The following EFCAB13 variants were observed in gnomAD, a reference collection of about 807,000 sequenced individuals.
EFCAB13 encodes EF-hand calcium-binding domain-containing protein 13.
In EFCAB13, 91 loss-of-function variants were observed where a neutral mutation model predicts 110.2. The observed-to-expected ratio is 0.83, with a 90% CI of 0.70 to 0.98. The LOEUF (loss-of-function observed/expected upper bound fraction) is 0.98. Among genes scored for constraint, EFCAB13 ranks in the 50% least tolerant of loss-of-function variants. The pLI is 0.00. For missense variants in EFCAB13, 968 were observed against 1,119.4 expected (o/e 0.86, Z 1.93); for synonymous variants, 323 against 369.9 (o/e 0.87, Z 1.45).
intron 16 of EFCAB13, 88 bp from the exon 17 acceptor site, chr17:47,395,746 C>A (rs2065733336): frequency 8.5e-7 from 1 of 1,180,020 alleles, no homozygotes; most frequent in Non-Finnish European, 1.1e-6. Flanking sequence ...CCATAAAAAC[C>A]TTAATTTTTG....
At chr17:47,389,165 T>C (rs1339980353) in intron 14 of EFCAB13, among the ~76,000 whole-genome samples, 1 of 152,186 alleles carries the variant, frequency 6.6e-6, no homozygotes. Flanking sequence ...CCCAAGTAGC[T>C]GGGATCACAG....
chr17:47,437,159 G>A (rs1203501441), intron 24 of EFCAB13, among the ~76,000 whole-genome samples: 1 of 151,950 alleles, frequency 6.6e-6, no homozygotes, highest in East Asian at 1.9e-4. Context: ...TAAATTTATT[G>A]AGGCTCGCTT....
intron 21 of EFCAB13, among the ~76,000 whole-genome samples, chr17:47,411,162 C>CAT (rs553607822): frequency 5.1e-4 from 77 of 152,260 alleles, no homozygotes; most frequent in Middle Eastern, 6.8e-3. Flanking sequence ...GTTGTTAACT[C>CAT]ATAATCATGA....
intron 23 of EFCAB13, among the ~76,000 whole-genome samples, chr17:47,424,874 CTTTTTTTTTT>C (rs548271723): frequency 1.1e-4 from 4 of 36,902 alleles, no homozygotes; most frequent in African/African-American, 2.5e-4. Context: ...GGTTGACAAT[CTTTTTTTTTT>C]TTTTTTTTTT....
intron 2 of EFCAB13, 129 bp from the exon 3 acceptor site, chr17:47,326,097 G>T (rs982000000): frequency 6.6e-6 from 1 of 151,550 alleles, no homozygotes; most frequent in African/African-American, 2.4e-5. Context: ...AAAGGGATAC[G>T]ACTCCCTCCA....
chr17:47,438,444 G>A (rs1007325614), intron 24 of EFCAB13, among the ~76,000 whole-genome samples: 4 of 150,626 alleles, frequency 2.7e-5, no homozygotes, highest in Admixed American at 1.3e-4. Context: ...TCTTAGATTT[G>A]GTTGTTTAAC....
chr17:47,352,763 C>T (rs957358678), intron 9 of EFCAB13, among the ~76,000 whole-genome samples: 1 of 152,102 alleles, frequency 6.6e-6, no homozygotes, highest in Non-Finnish European at 1.5e-5. Context: ...TTTATTTCAT[C>T]ACTGTTTTGT....
At position 47,335,398 on chromosome 17, in the gene EFCAB13, T is replaced by C. The variant is rs184619365; in HGVS notation, c.191+42T>C. 1,307 of 1,523,586 alleles carry C rather than the reference T, an allele frequency of 8.6e-4. 12 individuals carry two copies. The highest frequency in any genetic ancestry group is 1.0e-3 in the Middle Eastern group (5 of 4,812). 94.4% of individuals were successfully genotyped at this position (1,523,586 alleles called of 1,614,324 possible). A position where few individuals can be genotyped will look rare whatever the true frequency, so the allele number is the denominator to read the frequency against. The stretch of plus-strand genomic sequence containing the variant: ...GAACTTACTTTATTGAATTATACTT[T>C]TGCAAGTTAAGAATGCCAAAATGTA... On this transcript the variant is annotated intron_variant, in intron 5 of 24. Transcript: ENST00000331493.
intron 2 of EFCAB13, among the ~76,000 whole-genome samples, chr17:47,325,921 AAAATATATATATATATATATATAT>A (rs1421703303): frequency 6.4e-5 from 4 of 62,454 alleles, no homozygotes; most frequent in African/African-American, 3.1e-4. Flanking sequence ...ATATATAAAC[AAAATATATATATATATATATATAT>A]ATATATATAT....
chr17:47,379,185 A>G lies in EFCAB13; in HGVS notation c.1514A>G (p.Asn505Ser), dbSNP rs2065632567. 6.2e-7 allele frequency: 1 copy of G among 1,612,576 alleles called. No individual in the cohort carries two copies. Among genetic ancestry groups the G allele is most frequent in the Admixed American group, 1.7e-5 (1 of 59,980 alleles). The change falls in exon 14 of 25, where the codon AAT (asparagine) becomes AGT (serine). Residue 505 changes from asparagine (N) to serine (S), a missense_variant. Asn to Ser is a conservative substitution (Grantham distance 46). Transcript: ENST00000331493. ...KIVTDTSRNE[N>S]GMVELDDFVN... ...TCTAAACTCTTTTTAAAAACAGAGA[A>G]TGGAATGGTGGAGTTAGATGACTTT...
intron 14 of EFCAB13, among the ~76,000 whole-genome samples, chr17:47,380,923 C>A (rs2065644190): frequency 6.9e-6 from 1 of 145,720 alleles, no homozygotes; most frequent in Admixed American, 7.2e-5. Flanking sequence ...CACTCTGTCA[C>A]CTAGGCTGGA....
At chr17:47,387,649 T>C (rs553669527) in intron 14 of EFCAB13, among the ~76,000 whole-genome samples, 1 of 152,200 alleles carries the variant, frequency 6.6e-6, no homozygotes, top group Non-Finnish European at 1.5e-5. Flanking sequence ...TGCTGTCTTA[T>C]TAAGGTCAGT....
At chr17:47,336,241 C>T (rs2065349286) in intron 5 of EFCAB13, among the ~76,000 whole-genome samples, 1 of 151,882 alleles carries the variant, frequency 6.6e-6, no homozygotes, top group South Asian at 2.1e-4. Flanking sequence ...ATTCTTCTGC[C>T]TCAGCCTCCT....
At chr17:47,380,721 C>T (rs899433274) in intron 14 of EFCAB13, among the ~76,000 whole-genome samples, 2 of 152,154 alleles carry the variant, frequency 1.3e-5, no homozygotes, top group African/African-American at 4.8e-5. Context: ...TCCTATTTCT[C>T]CACATCCTCT....
chr17:47,401,930 C>T lies in EFCAB13; in HGVS notation c.1946-202C>T, dbSNP rs149992626. On this transcript the variant is annotated intron_variant, in intron 17 of 24. Coordinates refer to ENST00000331493, the MANE Select transcript of EFCAB13 (RefSeq NM_152347.5). ...AAGTGCTGGGATTACAGGCGTGAGC[C>T]ACCACGCCCAGCCATCAGCCTGACT... 8.7e-3 allele frequency among the ~76,000 whole-genome samples: 1,320 copies of T among 152,162 alleles called. 13 individuals are homozygous for T. The highest frequency in any genetic ancestry group is 0.031 in the African/African-American group (1,266 of 41,504).
chr17:47,414,826 A>G (rs749997426), intron 22 of EFCAB13, 22 bp from the exon 23 acceptor site: 12 of 1,532,744 alleles, frequency 7.8e-6, no homozygotes, highest in Non-Finnish European at 1.1e-5. Context: ...TAATGTCAGC[A>G]TTTTTTACTT....
chr17:47,412,184 A>C (rs2065839722), intron 21 of EFCAB13, among the ~76,000 whole-genome samples: 3 of 152,250 alleles, frequency 2.0e-5, no homozygotes, highest in Admixed American at 6.5e-5. Context: ...GATCAACAGG[A>C]CTGCCCCGTT....
At position 47,404,576 on chromosome 17, in the gene EFCAB13, A is replaced by G. The variant is rs1159469288; in HGVS notation, c.2176A>G (p.Asn726Asp). Residue 726 changes from asparagine (N) to aspartate (D), a missense_variant, in exon 20 of 25, where the codon AAC (asparagine) becomes GAC (aspartate). Asn to Asp is a conservative substitution (Grantham distance 23). Coordinates refer to ENST00000331493, the MANE Select transcript of EFCAB13 (RefSeq NM_152347.5). ...TTTCCTTGCAGAAGATAACATGGTG[A>G]ACATTAAAGACTGTATGAGGGCTTT... Reference protein sequence around the residue: ...SDFVSEDNMVNIKDCMRALRD... With the variant: ...SDFVSEDNMVDIKDCMRALRD... 3.1e-6 allele frequency: 5 copies of G among 1,612,422 alleles called. No homozygotes were observed. Among genetic ancestry groups the G allele is most frequent in the Non-Finnish European group, 4.2e-6 (5 of 1,179,196 alleles).
At chr17:47,341,670 CA>C (rs112526843) in intron 5 of EFCAB13, among the ~76,000 whole-genome samples, 1 of 151,332 alleles carries the variant, frequency 6.6e-6, no homozygotes, top group Non-Finnish European at 1.5e-5. Context: ...CCAATCTCTA[CA>C]AAAAAAGACA....
Sources: gnomAD v4.1 joint callset for allele counts (sites outside exome capture counted in the v4.1 genomes callset) on GRCh38, gnomAD v4.1.1 for gene constraint, MANE v1.5 for transcripts, NCBI Gene and HGNC (gene_info 2026-07-23, HGNC 2026-07-21) for gene names.